SASH1: variants seen among roughly 807,000 people sequenced by gnomAD.
SASH1 encodes SAM and SH3 domain-containing protein 1.
In SASH1, 44 loss-of-function variants were observed where a neutral mutation model predicts 125.2. The observed-to-expected ratio is 0.35, with a 90% CI of 0.28 to 0.45. The LOEUF (loss-of-function observed/expected upper bound fraction) is 0.45, where lower values mean the gene tolerates loss of function less well. Among genes scored for constraint, SASH1 ranks in the 20% least tolerant of loss-of-function variants. The pLI, the probability that SASH1 is intolerant of heterozygous loss-of-function variation, is 1.00. For missense variants in SASH1, 1,426 were observed against 1,614.5 expected (o/e 0.88, Z 2.00); for synonymous variants, 639 against 649.1 (o/e 0.98, Z 0.24).
intron 2 of SASH1, chr6:148,393,715 G>A (rs1783828585): frequency 2.0e-6 from 2 of 985,202 alleles, no homozygotes; most frequent in Non-Finnish European, 2.4e-6. Context: ...GACAGTCTGG[G>A]GGGAGAAAAC....
chr6:148,194,761 G>A, the SASH1 span, among the ~76,000 whole-genome samples: 1 of 152,160 alleles, frequency 6.6e-6, no homozygotes, highest in East Asian at 1.9e-4. Flanking sequence ...CTAAAAATTA[G>A]CCGGTTGTGG....
intron 7 of SASH1, among the ~76,000 whole-genome samples, chr6:148,477,960 G>T (rs1362001837): frequency 2.6e-5 from 4 of 152,152 alleles, no homozygotes; most frequent in Non-Finnish European, 5.9e-5. Context: ...GCCTCCCAAA[G>T]TGTTGTGATT....
intron 10 of SASH1, chr6:148,520,152 C>T (rs567630350): frequency 9.1e-4 from 419 of 460,586 alleles, no homozygotes; most frequent in Non-Finnish European, 1.0e-3. Context: ...GGTGCGCGGG[C>T]GCACCTCGGT....
the SASH1 span, among the ~76,000 whole-genome samples, chr6:148,214,519 T>TAATACATGTAAAGCA: frequency 6.6e-6 from 1 of 152,202 alleles, no homozygotes; most frequent in Non-Finnish European, 1.5e-5. Flanking sequence ...TTAATTGAGA[T>TAATACATGTAAAGCA]AATACATGTA....
At chr6:148,285,375 C>T (rs540594712) in intron 1 of SASH1, among the ~76,000 whole-genome samples, 16 of 152,266 alleles carry the variant, frequency 1.1e-4, no homozygotes, top group African/African-American at 3.9e-4. Flanking sequence ...ATGGTTGTGG[C>T]GTGTGTTAAT....
chr6:148,365,122 CA>C (rs370006068), intron 1 of SASH1, among the ~76,000 whole-genome samples: 82 of 139,588 alleles, frequency 5.9e-4, no homozygotes, highest in Non-Finnish European at 4.7e-4. Context: ...GACTCTGTCA[CA>C]AAAAAAAAAA....
the SASH1 span, among the ~76,000 whole-genome samples, chr6:148,224,367 CTT>C: frequency 1.4e-5 from 2 of 146,734 alleles, no homozygotes; most frequent in Non-Finnish European, 1.5e-5. Context: ...TCCCCCCAGC[CTT>C]TTTTTTTTTG....
intron 11 of SASH1, among the ~76,000 whole-genome samples, chr6:148,526,863 A>G (rs1252097185): frequency 7.1e-6 from 1 of 140,906 alleles, no homozygotes; most frequent in Non-Finnish European, 1.5e-5. Context: ...GTTCATGTAA[A>G]TCACTTTTTT....
intron 2 of SASH1, among the ~76,000 whole-genome samples, chr6:148,430,254 G>GCCT: frequency 6.6e-6 from 1 of 152,344 alleles, no homozygotes; most frequent in Middle Eastern, 3.4e-3. Context: ...TTTATGATCA[G>GCCT]GCTATTTGGT....
intron 1 of SASH1, among the ~76,000 whole-genome samples, chr6:148,366,595 TTTTG>T (rs943961657): frequency 3.3e-5 from 5 of 152,074 alleles, no homozygotes; most frequent in African/African-American, 7.2e-5. Context: ...ATTCCATTTG[TTTTG>T]TTTGTTTGTT....
rs1782710284 is a variant in SASH1, at chr6:148,548,591, C to G, written c.*33C>G. The G allele has an allele frequency of 6.4e-7, 1 of 1,555,698 alleles. No homozygotes were observed. The highest frequency in any genetic ancestry group is 1.4e-5 in the African/African-American group (1 of 72,952). ...CGGAATGGGCCTCTCTGGACAAGAG[C>G]CACCCTTTCACTGTGCATATGATGC... On this transcript the variant is annotated 3_prime_UTR_variant, in exon 20 of 20. Coordinates refer to ENST00000367467, the MANE Select transcript of SASH1 (RefSeq NM_015278.5).
At chr6:148,428,065 A>G (rs548216814) in intron 2 of SASH1, among the ~76,000 whole-genome samples, 6 of 152,356 alleles carry the variant, frequency 3.9e-5, no homozygotes, top group African/African-American at 1.4e-4. Context: ...ACCTTAAGAC[A>G]TAAAAGTATA....
chr6:148,277,975 A>C (rs947695439), intron 1 of SASH1, among the ~76,000 whole-genome samples: 2 of 151,798 alleles, frequency 1.3e-5, no homozygotes, highest in Non-Finnish European at 2.9e-5. Flanking sequence ...TCACCCTCCC[A>C]AAGTGCTGGG....
At chr6:148,222,685 A>T in the SASH1 span, among the ~76,000 whole-genome samples, 2 of 152,182 alleles carry the variant, frequency 1.3e-5, no homozygotes, top group African/African-American at 4.8e-5. Context: ...ATGTTGAATA[A>T]TTACATTGAA....
At chr6:148,446,310 G>T (rs186065286) in intron 4 of SASH1, among the ~76,000 whole-genome samples, 3 of 151,756 alleles carry the variant, frequency 2.0e-5, no homozygotes, top group Admixed American at 6.6e-5. Flanking sequence ...GGGTTTCACC[G>T]TGTTAGCCAG....
chr6:148,293,041 G>A (rs977248888), intron 1 of SASH1, among the ~76,000 whole-genome samples: 10 of 151,518 alleles, frequency 6.6e-5, no homozygotes, highest in Non-Finnish European at 1.5e-5. Flanking sequence ...GGGCAACAGA[G>A]TGATACTCCA....
chr6:148,443,003 T>C (rs537210195), intron 4 of SASH1, among the ~76,000 whole-genome samples: 1 of 152,182 alleles, frequency 6.6e-6, no homozygotes, highest in East Asian at 1.9e-4. Context: ...CTCGAACTCC[T>C]GACCTCAAAT....
chr6:148,523,470 G>C (rs181835340), intron 10 of SASH1, among the ~76,000 whole-genome samples: 59 of 152,320 alleles, frequency 3.9e-4, no homozygotes, highest in Non-Finnish European at 6.8e-4. Flanking sequence ...TATAGGTCCA[G>C]TTAAGCTGAC....
chr6:148,233,345 C>T, the SASH1 span, among the ~76,000 whole-genome samples: 1 of 152,148 alleles, frequency 6.6e-6, no homozygotes, highest in Admixed American at 6.5e-5. Flanking sequence ...TTTGCCCTCT[C>T]ATCTGCCAGA....
Sources: gnomAD v4.1 joint callset for allele counts (sites outside exome capture counted in the v4.1 genomes callset) on GRCh38, gnomAD v4.1.1 for gene constraint, MANE v1.5 for transcripts, NCBI Gene and HGNC (gene_info 2026-07-23, HGNC 2026-07-21) for gene names.